The following ADAMTS16 variants were observed in gnomAD, a reference collection of about 807,000 sequenced individuals.
ADAMTS16 encodes the protein ADAM metallopeptidase with thrombospondin type 1 motif 16, also known as A disintegrin and metalloproteinase with thrombospondin motifs 16.
Under a neutral mutation model 145.8 loss-of-function variants are expected in ADAMTS16, and 94 were observed. The observed-to-expected ratio is 0.64, with a 90% CI of 0.55 to 0.77. The LOEUF (loss-of-function observed/expected upper bound fraction) is 0.77, where lower values mean the gene tolerates loss of function less well. Among genes scored for constraint, ADAMTS16 ranks in the 30% least tolerant of loss-of-function variants. The pLI is 0.00. For missense variants in ADAMTS16, 1,585 were observed against 1,591.5 expected, an observed-to-expected ratio of 1.00 and a Z score of 0.07; for synonymous variants, 659 against 604.3, an observed-to-expected ratio of 1.09 and a Z score of -1.33.
intron 21 of ADAMTS16, 145 bp downstream of exon 21, chr5:5,306,873 C>T (rs895922999): frequency 1.2e-4 from 103 of 847,764 alleles, no homozygotes; most frequent in Non-Finnish European, 1.7e-4. Context: ...AGAGCATGTG[C>T]GGGTGGCCTG....
intron 17 of ADAMTS16, among the ~76,000 whole-genome samples, chr5:5,252,445 C>G (rs1285739989): frequency 6.6e-6 from 1 of 151,978 alleles, no homozygotes; most frequent in Non-Finnish European, 1.5e-5. Context: ...AGGGAAAGGC[C>G]CACCTTTACG....
intron 14 of ADAMTS16, among the ~76,000 whole-genome samples, chr5:5,238,497 C>A (rs1336072018): frequency 6.6e-6 from 1 of 152,106 alleles, no homozygotes; most frequent in African/African-American, 2.4e-5. Flanking sequence ...GTATCTATTA[C>A]CTTTATAAAA....
At chr5:5,180,092 A>G (rs542584906) in intron 3 of ADAMTS16, among the ~76,000 whole-genome samples, 3 of 152,276 alleles carry the variant, frequency 2.0e-5, no homozygotes, top group Admixed American at 2.0e-4. Flanking sequence ...CTACGTGGAC[A>G]TTAATGTGAG....
Position 5,140,363 on chromosome 5 carries a change from T to G in ADAMTS16, c.-105T>G. 3 of 1,154,156 alleles carry G rather than the reference T, an allele frequency of 2.6e-6. No homozygotes were observed. The highest frequency in any genetic ancestry group is 2.3e-6 in the Non-Finnish European group (2 of 868,082). 71.5% of individuals were successfully genotyped at this position (1,154,156 alleles called of 1,614,324 possible). On this transcript the variant is annotated 5_prime_UTR_variant, in exon 1 of 23. Coordinates refer to ENST00000274181, the MANE Select transcript of ADAMTS16 (RefSeq NM_139056.4). ...CCCCGGCGCGGCGGCGGAGTCGCTG[T>G]GGGGAATCCTCCCGCGCTCTGCCTG... is the stretch of plus-strand genomic sequence containing the variant.
At chr5:5,158,138 C>G (rs1734647907) in intron 3 of ADAMTS16, among the ~76,000 whole-genome samples, 1 of 152,182 alleles carries the variant, frequency 6.6e-6, no homozygotes, top group Non-Finnish European at 1.5e-5. Context: ...CATACTACAC[C>G]TTATTTTTCT....
intron 7 of ADAMTS16, among the ~76,000 whole-genome samples, chr5:5,190,721 A>G (rs1019539181): frequency 6.6e-6 from 1 of 152,102 alleles, no homozygotes; most frequent in Non-Finnish European, 1.5e-5. Context: ...TTGTTTATAA[A>G]AACTTTCAGA....
At chr5:5,150,493 A>T (rs543738620) in intron 3 of ADAMTS16, among the ~76,000 whole-genome samples, 15 of 152,348 alleles carry the variant, frequency 9.8e-5, no homozygotes, top group African/African-American at 3.6e-4. Context: ...TGCATGCAAC[A>T]TGGCTGGGGC....
At chr5:5,260,723 C>G (rs867826232) in intron 17 of ADAMTS16, among the ~76,000 whole-genome samples, 1 of 152,198 alleles carries the variant, frequency 6.6e-6, no homozygotes, top group African/African-American at 2.4e-5. Flanking sequence ...TGATACTGTA[C>G]GGAGTGCAAC....
chr5:5,256,031 C>T (rs539708787), intron 17 of ADAMTS16, among the ~76,000 whole-genome samples: 1 of 152,228 alleles, frequency 6.6e-6, no homozygotes, highest in African/African-American at 2.4e-5. Context: ...TTTTTGGAAC[C>T]TGCTACCTGA....
At chr5:5,184,047 A>G (rs1359271640) in intron 4 of ADAMTS16, among the ~76,000 whole-genome samples, 1 of 152,170 alleles carries the variant, frequency 6.6e-6, no homozygotes, top group African/African-American at 2.4e-5. Context: ...TGATAGTACT[A>G]CACTCCTGGG....
intron 11 of ADAMTS16, among the ~76,000 whole-genome samples, chr5:5,225,473 C>T (rs2964443): frequency 0.43 from 65,258 of 151,966 alleles, 15,322 homozygotes; most frequent in African/African-American, 0.61. Context: ...CGTTGTGGCG[C>T]ATGCCTGTAG....
At chr5:5,247,003 C>T (rs113279726) in intron 17 of ADAMTS16, among the ~76,000 whole-genome samples, 6,137 of 152,196 alleles carry the variant, frequency 0.04, 464 homozygotes, top group African/African-American at 0.14. Context: ...GCAGTTGGGA[C>T]GCCTGTCTTC....
intron 2 of ADAMTS16, among the ~76,000 whole-genome samples, chr5:5,140,997 T>C (rs1579265718): frequency 1.3e-5 from 2 of 152,262 alleles, no homozygotes; most frequent in East Asian, 1.9e-4. Flanking sequence ...GTTATTGATA[T>C]AACATTAGGA....
At chr5:5,178,359 T>C (rs1579291146) in intron 3 of ADAMTS16, among the ~76,000 whole-genome samples, 3 of 152,212 alleles carry the variant, frequency 2.0e-5, no homozygotes, top group African/African-American at 7.2e-5. Context: ...GACATTCCAG[T>C]GGTTACTGTG....
At chr5:5,226,498 A>G (rs1468092692) in intron 11 of ADAMTS16, among the ~76,000 whole-genome samples, 2 of 152,222 alleles carry the variant, frequency 1.3e-5, no homozygotes, top group African/African-American at 2.4e-5. Context: ...GCTACATTTC[A>G]GATGAAATTT....
intron 12 of ADAMTS16, among the ~76,000 whole-genome samples, chr5:5,232,885 G>A (rs1025576823): frequency 6.6e-6 from 1 of 152,054 alleles, no homozygotes; most frequent in Non-Finnish European, 1.5e-5. Flanking sequence ...TTACAGGTAT[G>A]AGCCATCGCG....
rs758968575 is a variant in ADAMTS16 at position 5,262,735 on chromosome 5, G to T, written c.2741G>T (p.Arg914Leu). 1.9e-6 allele frequency: 3 copies of T among 1,614,212 alleles called. No individual in the cohort carries two copies. Among genetic ancestry groups the T allele is most frequent in the Non-Finnish European group, 2.5e-6 (3 of 1,180,036 alleles). ...ATGTCCTTCTGCAATCCCAAGACAC[G>T]ACCTGTCACGGGGCTGGTGCCTTGC... ...VNMSFCNPKT[R>L]PVTGLVPCKV... Residue 914 changes from arginine (R) to leucine (L), a missense_variant, in exon 18 of 23, where the codon CGA (arginine) becomes CTA (leucine). This residue lies in a region of ADAMTS16 where 834 missense variants were observed against 811.7 expected (regional missense o/e 1.03). Transcript: ENST00000274181.
chr5:5,181,491 C>T (rs1457122785), intron 3 of ADAMTS16, among the ~76,000 whole-genome samples: 2 of 152,124 alleles, frequency 1.3e-5, no homozygotes, highest in African/African-American at 2.4e-5. Flanking sequence ...TAATATCTTG[C>T]TTAGAGAAAC....
intron 18 of ADAMTS16, among the ~76,000 whole-genome samples, chr5:5,271,032 A>G (rs927198162): frequency 6.6e-6 from 1 of 152,196 alleles, no homozygotes; most frequent in African/African-American, 2.4e-5. Flanking sequence ...AACTTGAAGG[A>G]GGGTTCCACA....
Sources: allele counts gnomAD v4.1 joint callset (sites outside exome capture counted in the v4.1 genomes callset), GRCh38; gene constraint gnomAD v4.1.1; regional missense constraint gnomAD v4.1.1; transcripts MANE v1.5; gene names NCBI Gene and HGNC (gene_info 2026-07-23, HGNC 2026-07-21).